USP34: variants seen among roughly 807,000 people sequenced by gnomAD.
USP34 encodes the protein ubiquitin specific peptidase 34, also known as ubiquitin carboxyl-terminal hydrolase 34.
Under a neutral mutation model 460.3 loss-of-function variants are expected in USP34, and 70 were observed. The observed-to-expected ratio is 0.15, with a 90% CI of 0.13 to 0.19. The LOEUF is 0.19. Ranked by LOEUF, USP34 falls within the 10% of genes least tolerant of loss-of-function variation. The pLI, the probability that USP34 is intolerant of heterozygous loss-of-function variation, is 1.00. For missense variants in USP34, 3,985 were observed against 4,236.2 expected (o/e 0.94, Z 1.65); for synonymous variants, 1,647 against 1,405.3 (o/e 1.17, Z -3.85).
At chr2:61,201,098 A>G (rs1452055743) in intron 75 of USP34, among the ~76,000 whole-genome samples, 1 of 152,122 alleles carries the variant, frequency 6.6e-6, no homozygotes, top group Non-Finnish European at 1.5e-5. Flanking sequence ...TTAAAATTAA[A>G]GTAAAAATTC....
chr2:61,409,289 G>A (rs1020895912), intron 2 of USP34, among the ~76,000 whole-genome samples: 5 of 152,162 alleles, frequency 3.3e-5, no homozygotes, highest in African/African-American at 1.2e-4. Context: ...GCTCACGCCT[G>A]TAATCCCAGC....
chr2:61,470,983 G>C lies in USP34; in HGVS notation c.-291C>G, dbSNP rs1695944937. ...GGGGAAGGACGGGGGGAGGGGAGAGGGGGGGAGGGGGCGGGTGGGGAGAGA... is the reference window on the plus strand; with the variant it reads ...GGGGAAGGACGGGGGGAGGGGAGAGCGGGGGAGGGGGCGGGTGGGGAGAGA... On this transcript the variant is annotated 5_prime_UTR_variant, in exon 1 of 80. Coordinates refer to ENST00000398571, the MANE Select transcript of USP34 (RefSeq NM_014709.4). Among the ~76,000 whole-genome samples, 1 of 141,720 alleles carries C rather than the reference G, an allele frequency of 7.1e-6. No homozygotes were observed. The highest frequency in any genetic ancestry group is 1.6e-5 in the Non-Finnish European group (1 of 63,280). 93.0% of individuals were successfully genotyped at this position (141,720 alleles called of 152,430 possible).
At chr2:61,403,524 G>T (rs1413452827) in intron 3 of USP34, among the ~76,000 whole-genome samples, 1 of 151,966 alleles carries the variant, frequency 6.6e-6, no homozygotes, top group Non-Finnish European at 1.5e-5. Context: ...TTCTTTTGTT[G>T]AAAAAAGATT....
Position 61,341,075 on chromosome 2 carries a change from ATAAG to A in USP34, c.2501-1398_2501-1395del, listed in dbSNP as rs572640128. Among the ~76,000 whole-genome samples the A allele has an allele frequency of 3.0e-3, 464 of 152,304 alleles. 1 individual carries two copies. Among genetic ancestry groups the A allele is most frequent in the African/African-American group, 0.011 (442 of 41,556 alleles). ...ACTTTTGACTGTTCTAGAACTGCAC[ATAAG>A]TAATACACAGTATGTACTTTCTTCT... On this transcript the variant is annotated intron_variant, in intron 16 of 79. Coordinates refer to ENST00000398571, the MANE Select transcript of USP34 (RefSeq NM_014709.4).
intron 59 of USP34, 93 bp from the exon 60 acceptor site, chr2:61,229,088 A>G: frequency 2.0e-6 from 2 of 985,312 alleles, no homozygotes; most frequent in Non-Finnish European, 2.8e-6. Flanking sequence ...AATTTCTTTT[A>G]TCTTTGAGAT....
intron 1 of USP34, among the ~76,000 whole-genome samples, chr2:61,467,344 C>T (rs1376168294): frequency 5.9e-5 from 9 of 151,974 alleles, no homozygotes; most frequent in Non-Finnish European, 1.5e-5. Flanking sequence ...AAAAAGCAGT[C>T]TTACTATGTT....
chr2:61,247,325 G>A (rs1038303159), intron 49 of USP34, among the ~76,000 whole-genome samples: 1 of 152,206 alleles, frequency 6.6e-6, no homozygotes, highest in Admixed American at 6.5e-5. Context: ...AGGTCAGTAA[G>A]AGAAGGGTAT....
intron 2 of USP34, among the ~76,000 whole-genome samples, chr2:61,415,003 A>G (rs1284597718): frequency 1.3e-5 from 2 of 152,152 alleles, no homozygotes; most frequent in Non-Finnish European, 2.9e-5. Context: ...AGGTAATTTC[A>G]ATTTTTCACC....
intron 10 of USP34, among the ~76,000 whole-genome samples, chr2:61,358,461 TAA>T (rs1360240022): frequency 6.6e-6 from 1 of 151,164 alleles, no homozygotes; most frequent in Non-Finnish European, 1.5e-5. Flanking sequence ...CTCAGAAAAC[TAA>T]AAGAGAAAAA....
At chr2:61,265,839 C>G in intron 42 of USP34, 145 bp downstream of exon 42, 1 of 868,258 alleles carries the variant, frequency 1.2e-6, no homozygotes, top group Middle Eastern at 3.3e-4. Context: ...TCAATGTTTA[C>G]TTTTTAACTT....
intron 10 of USP34, among the ~76,000 whole-genome samples, chr2:61,356,759 AGTTTT>A (rs1303738424): frequency 3.9e-5 from 6 of 152,200 alleles, no homozygotes; most frequent in Non-Finnish European, 8.8e-5. Flanking sequence ...ACAGAGTTTC[AGTTTT>A]GCAATATAAA....
intron 19 of USP34, among the ~76,000 whole-genome samples, chr2:61,331,925 A>G (rs184963358): frequency 1.3e-3 from 192 of 152,102 alleles, no homozygotes; most frequent in Non-Finnish European, 2.3e-3. Flanking sequence ...TGTATTTCAT[A>G]TAACACCTAT....
chr2:61,275,298 T>C (rs915656974), intron 41 of USP34, among the ~76,000 whole-genome samples: 4 of 151,954 alleles, frequency 2.6e-5, no homozygotes, highest in African/African-American at 9.7e-5. Flanking sequence ...AACAATAATA[T>C]TTTGAAGTTA....
rs1226493365 is a variant in USP34, at chr2:61,255,284, T to A, written c.6221+1100A>T. On this transcript the variant is annotated intron_variant, in intron 48 of 79. Coordinates refer to ENST00000398571, the MANE Select transcript of USP34 (RefSeq NM_014709.4). ...GAAGGGAACCAGCTTGAATGTATTA[T>A]AGTATAAACACTTATTTAACACTCT... Among the ~76,000 whole-genome samples, 3 of 152,336 alleles carry A rather than the reference T, an allele frequency of 2.0e-5. No individual in the cohort carries two copies. The South Asian group carries it at 6.2e-4, about 32-fold the overall frequency.
chr2:61,216,338 T>C (rs763871731), intron 67 of USP34, among the ~76,000 whole-genome samples: 18 of 152,300 alleles, frequency 1.2e-4, no homozygotes, highest in Admixed American at 3.3e-4. Flanking sequence ...CGGTGGCTCA[T>C]GCCTGTAATC....
Position 61,405,937 on chromosome 2 carries a change from T to C in USP34, c.323A>G (p.Asp108Gly), listed in dbSNP as rs1693857598. The C allele has an allele frequency of 1.9e-6, 3 of 1,613,784 alleles. No individual in the cohort carries two copies. Among genetic ancestry groups the C allele is most frequent in the Non-Finnish European group, 2.5e-6 (3 of 1,179,962 alleles). The change falls in exon 3 of 80, where the codon GAT (aspartate) becomes GGT (glycine). Residue 108 changes from aspartate to glycine, a missense_variant. This residue lies in a region of USP34 where 331 missense variants were observed against 293.7 expected (regional missense o/e 1.13). Coordinates refer to ENST00000398571, the MANE Select transcript of USP34 (RefSeq NM_014709.4). ...SNQAEEPLNI[D>G]RECNEGSTER... Reference sequence around the variant, plus strand: ...TGTACTTCCTTCATTACACTCTCTATCTATATTCAGTGGTTCTTCTGCTTG... The same window carrying C: ...TGTACTTCCTTCATTACACTCTCTACCTATATTCAGTGGTTCTTCTGCTTG...
chr2:61,465,095 T>C (rs1367806970), intron 1 of USP34, among the ~76,000 whole-genome samples: 1 of 152,220 alleles, frequency 6.6e-6, no homozygotes, highest in African/African-American at 2.4e-5. Context: ...TCCAGTATTT[T>C]AGTATTGTTG....
chr2:61,382,006 C>G (rs976361517), intron 6 of USP34, among the ~76,000 whole-genome samples: 8 of 152,106 alleles, frequency 5.3e-5, no homozygotes, highest in African/African-American at 1.9e-4. Context: ...TCTTTATACC[C>G]TATAATGACC....
intron 39 of USP34, among the ~76,000 whole-genome samples, chr2:61,279,174 A>G (rs1361809226): frequency 1.7e-4 from 26 of 152,116 alleles, no homozygotes; most frequent in Non-Finnish European, 3.8e-4. Flanking sequence ...AACTTGCTCA[A>G]TACTAATTTT....
Sources: gnomAD v4.1 joint callset for allele counts (sites outside exome capture counted in the v4.1 genomes callset) on GRCh38, gnomAD v4.1.1 for gene constraint, gnomAD v4.1.1 regional missense constraint, MANE v1.5 for transcripts, NCBI Gene and HGNC (gene_info 2026-07-23, HGNC 2026-07-21) for gene names.